The following RFX3 variants were observed in gnomAD, a reference collection of about 807,000 sequenced individuals.
RFX3 encodes the protein transcription factor RFX3.
RFX3 carries 14 observed loss-of-function variants against 98.6 expected under a neutral mutation model. That is an observed-to-expected ratio of 0.14 (90% CI 0.09 to 0.22). The LOEUF is 0.22. RFX3 is among the 10% of genes least tolerant of loss of function. RFX3 has a pLI of 1.00. For missense variants in RFX3, 639 were observed against 926.9 expected, an observed-to-expected ratio of 0.69 and a Z score of 4.03; for synonymous variants, 383 against 328.4, an observed-to-expected ratio of 1.17 and a Z score of -1.80.
At chr9:3,319,130 C>T (rs989721894) in intron 4 of RFX3, among the ~76,000 whole-genome samples, 2 of 152,208 alleles carry the variant, frequency 1.3e-5, no homozygotes, top group African/African-American at 4.8e-5. Flanking sequence ...AGTATAAGAA[C>T]ATTTTCACTT....
chr9:3,460,723 A>C (rs1373123397), intron 1 of RFX3, among the ~76,000 whole-genome samples: 1 of 148,794 alleles, frequency 6.7e-6, no homozygotes, highest in Admixed American at 6.7e-5. Context: ...CCCCAGGCTT[A>C]GGTAGTTATA....
At chr9:3,523,704 G>C (rs1287817851) in intron 1 of RFX3, among the ~76,000 whole-genome samples, 1 of 152,092 alleles carries the variant, frequency 6.6e-6, no homozygotes, top group Non-Finnish European at 1.5e-5. Context: ...ACTTCAGAGA[G>C]AGTTTATAGG....
chr9:3,502,390 G>T (rs1422604744), intron 1 of RFX3, among the ~76,000 whole-genome samples: 2 of 152,084 alleles, frequency 1.3e-5, no homozygotes, highest in Admixed American at 6.6e-5. Flanking sequence ...GTACCTTGAA[G>T]TACATTCTAT....
intron 16 of RFX3, among the ~76,000 whole-genome samples, chr9:3,228,205 G>A (rs1381013697): frequency 3.9e-5 from 6 of 152,134 alleles, no homozygotes; most frequent in Admixed American, 3.9e-4. Flanking sequence ...GGTAAGATTT[G>A]TGTGCTCTAT....
chr9:3,396,466 G>A (rs1002254851), intron 1 of RFX3, among the ~76,000 whole-genome samples: 1 of 152,164 alleles, frequency 6.6e-6, no homozygotes, highest in African/African-American at 2.4e-5. Flanking sequence ...TTGGTTCCGA[G>A]TCTTTGCTGT....
At chr9:3,442,233 T>C (rs1845670773) in intron 1 of RFX3, among the ~76,000 whole-genome samples, 1 of 151,782 alleles carries the variant, frequency 6.6e-6, no homozygotes. Context: ...GACTTTACCA[T>C]AGAGTAACCT....
intron 3 of RFX3, among the ~76,000 whole-genome samples, chr9:3,343,153 G>C (rs960220084): frequency 1.3e-5 from 2 of 152,152 alleles, no homozygotes; most frequent in South Asian, 2.1e-4. Flanking sequence ...ATATCTGTGA[G>C]AGCTGTCATC....
intron 1 of RFX3, among the ~76,000 whole-genome samples, chr9:3,397,026 C>T (rs1175681613): frequency 6.6e-6 from 1 of 152,094 alleles, no homozygotes; most frequent in South Asian, 2.1e-4. Flanking sequence ...AAGATAGCCC[C>T]AAATCCATAA....
chr9:3,374,152 G>A (rs980203964), intron 2 of RFX3, among the ~76,000 whole-genome samples: 1 of 152,026 alleles, frequency 6.6e-6, no homozygotes, highest in African/African-American at 2.4e-5. Flanking sequence ...CATTAGGATG[G>A]TTACTGTCAA....
chr9:3,396,209 G>A (rs912035500), intron 1 of RFX3, among the ~76,000 whole-genome samples: 52 of 151,540 alleles, frequency 3.4e-4, no homozygotes, highest in Admixed American at 3.9e-4. Context: ...CCCCACAACA[G>A]GCCCCGATGT....
At chr9:3,461,135 T>C (rs1847651398) in intron 1 of RFX3, among the ~76,000 whole-genome samples, 2 of 151,282 alleles carry the variant, frequency 1.3e-5, no homozygotes, top group Admixed American at 1.3e-4. Flanking sequence ...ATAGACAAAA[T>C]ACATGTAGCA....
chr9:3,505,391 T>A (rs1191711933), intron 1 of RFX3, among the ~76,000 whole-genome samples: 1 of 126,280 alleles, frequency 7.9e-6, no homozygotes, highest in Admixed American at 8.5e-5. Context: ...ATTTATATAA[T>A]ATAAAATAAA....
chr9:3,435,426 C>T (rs1018129826), intron 1 of RFX3, among the ~76,000 whole-genome samples: 2 of 151,662 alleles, frequency 1.3e-5, no homozygotes, highest in African/African-American at 2.4e-5. Context: ...AAAATTAAGA[C>T]ACAAACATAC....
chr9:3,225,927 G>A (rs1294779857), intron 16 of RFX3, among the ~76,000 whole-genome samples: 1 of 152,140 alleles, frequency 6.6e-6, no homozygotes, highest in Non-Finnish European at 1.5e-5. Flanking sequence ...AACTGATACT[G>A]TTAATAGCTG....
chr9:3,338,496 C>T (rs769944730), intron 3 of RFX3, among the ~76,000 whole-genome samples: 1 of 139,270 alleles, frequency 7.2e-6, no homozygotes, highest in African/African-American at 2.6e-5. Flanking sequence ...TAAGGATCGG[C>T]ACATCTTTAC....
chr9:3,435,802 TA>T (rs34925429), intron 1 of RFX3, among the ~76,000 whole-genome samples: 6,009 of 97,602 alleles, frequency 0.062, 124 homozygotes, highest in Middle Eastern at 0.13. Flanking sequence ...ATCTGCATTG[TA>T]AAAAAAAAAA....
At chr9:3,271,180 A>G in intron 9 of RFX3, 62 bp from the exon 10 acceptor site, 1 of 1,417,328 alleles carries the variant, frequency 7.1e-7, no homozygotes, top group Non-Finnish European at 9.9e-7. Context: ...GTGTGAGGAC[A>G]GTCTAACATG....
intron 5 of RFX3, among the ~76,000 whole-genome samples, chr9:3,294,262 C>G (rs1027629085): frequency 1.3e-5 from 2 of 152,112 alleles, no homozygotes; most frequent in African/African-American, 4.8e-5. Context: ...TTACTCCAGA[C>G]CAATGTTTCA....
rs542977289 is a variant in RFX3, at chr9:3,399,893, G to T, written c.-8-4297C>A. 1.1e-3 allele frequency among the ~76,000 whole-genome samples: 161 copies of T among 150,708 alleles called. No individual in the cohort carries two copies. The South Asian group carries it at 0.014, about 13-fold the overall frequency. ...GAACCTGGGAGGCAGAGGTTGCGGT[G>T]AGCCAAGATCATTCCACTGCACTCC... On this transcript the variant is annotated intron_variant, in intron 1 of 16. Transcript: ENST00000617270.
Sources: gnomAD v4.1 joint callset for allele counts (sites outside exome capture counted in the v4.1 genomes callset) on GRCh38, gnomAD v4.1.1 for gene constraint, MANE v1.5 for transcripts, NCBI Gene and HGNC (gene_info 2026-07-23, HGNC 2026-07-21) for gene names.